The following HBEGF variants were observed in gnomAD, a reference collection of about 807,000 sequenced individuals.
HBEGF encodes proheparin-binding EGF-like growth factor.
Under a neutral mutation model 19.5 loss-of-function variants are expected in HBEGF, and 8 were observed. The ratio of observed to expected loss-of-function variants is 0.41; its 90% CI spans 0.24 to 0.74. The LOEUF (loss-of-function observed/expected upper bound fraction) is 0.74. Ranked by LOEUF, HBEGF falls within the 30% of genes least tolerant of loss-of-function variation. The pLI, the probability that HBEGF is intolerant of heterozygous loss-of-function variation, is 0.32. For synonymous variants in HBEGF, 97 were observed against 108.9 expected, an observed-to-expected ratio of 0.89 and a Z score of 0.68; for missense variants, 207 against 256.9, an observed-to-expected ratio of 0.81 and a Z score of 1.33.
At chr5:140,340,726 C>T (rs1766298478) in intron 3 of HBEGF, among the ~76,000 whole-genome samples, 1 of 151,944 alleles carries the variant, frequency 6.6e-6, no homozygotes, top group African/African-American at 2.4e-5. Context: ...TCTAGGACAA[C>T]AGCTGCCCTC....
At chr5:140,336,159 T>C (rs1368950368) in intron 3 of HBEGF, 132 bp from the exon 4 acceptor site, 1 of 828,444 alleles carries the variant, frequency 1.2e-6, no homozygotes, top group African/African-American at 1.7e-5. Context: ...TCCCTGCCCA[T>C]CCTCCATCCT....
At chr5:140,334,629 A>G in intron 5 of HBEGF, 29 bp downstream of exon 5, 1 of 1,441,776 alleles carries the variant, frequency 6.9e-7, no homozygotes. Context: ...AAGGATAATC[A>G]TGTCATGGGG....
At chr5:140,345,524 A>G (rs1766382628) in intron 2 of HBEGF, among the ~76,000 whole-genome samples, 1 of 152,152 alleles carries the variant, frequency 6.6e-6, no homozygotes, top group African/African-American at 2.4e-5. Context: ...TGTTACCTCT[A>G]TTTTATATAT....
rs367977200 is a variant in HBEGF at position 140,346,053 on chromosome 5, C to A, written c.78G>T (p.Leu26=). The A allele has an allele frequency of 5.0e-6, 8 of 1,613,794 alleles. No homozygotes were observed. Among genetic ancestry groups the A allele is most frequent in the Non-Finnish European group, 6.8e-6 (8 of 1,179,892 alleles). Residue 26 remains leucine, a synonymous_variant, in exon 2 of 6, where the codon CTG becomes CTT. Transcript: ENST00000230990. The surrounding 1 kb of genome is among the most constrained non-coding windows in gnomAD (Gnocchi z 6.1). The part of the protein sequence containing the change: ...VLSALVTGES[L]ERLRRGLAAG... ...CAGCTAGCCCTCTCCGAAGCCGCTC[C>A]AGGCTCTCGCCAGTCACCAGTGCCG...
chr5:140,338,876 T>C (rs369697960), intron 3 of HBEGF, among the ~76,000 whole-genome samples: 86 of 152,268 alleles, frequency 5.6e-4, no homozygotes, highest in South Asian at 2.9e-3. Context: ...TTTCTCCACC[T>C]TTACCCCAGG....
intron 2 of HBEGF, among the ~76,000 whole-genome samples, chr5:140,343,297 T>C (rs2126719258): frequency 6.6e-6 from 1 of 152,210 alleles, no homozygotes; most frequent in East Asian, 1.9e-4. Context: ...GGTTCTGGGG[T>C]TGGAGGGCTC....
intron 2 of HBEGF, among the ~76,000 whole-genome samples, chr5:140,343,999 G>A (rs4150207): frequency 0.014 from 2,120 of 152,254 alleles, 57 homozygotes; most frequent in African/African-American, 0.049. Flanking sequence ...TTAGCCGGGC[G>A]TGGTGGTGTG....
intron 2 of HBEGF, 63 bp from the exon 3 acceptor site, chr5:140,342,875 T>C: frequency 5.9e-6 from 9 of 1,536,076 alleles, no homozygotes; most frequent in African/African-American, 1.4e-5. Flanking sequence ...AAGAGCATAG[T>C]GCTTGAAAGG....
Position 140,346,278 on chromosome 5 carries a change from C to T in HBEGF, c.46+5G>A. On this transcript the variant is annotated splice_donor_5th_base_variant and intron_variant, in intron 1 of 5. Coordinates refer to ENST00000230990, the MANE Select transcript of HBEGF (RefSeq NM_001945.3). The surrounding 1 kb of genome is among the most constrained non-coding windows in gnomAD (Gnocchi z 6.1). ...GATCTCCGGGGGCGTCGGCAGCCCT[C>T]TTACCTGCAGCCAGAAAGAGCTTCA... The T allele has an allele frequency of 6.2e-7, 1 of 1,605,292 alleles. No homozygotes were observed.
At chr5:140,336,408 G>C (rs989628893) in intron 3 of HBEGF, among the ~76,000 whole-genome samples, 1 of 152,216 alleles carries the variant, frequency 6.6e-6, no homozygotes, top group Non-Finnish European at 1.5e-5. Context: ...TTGGGCACAA[G>C]AGCTGGTAGG....
intron 4 of HBEGF, among the ~76,000 whole-genome samples, chr5:140,335,383 C>CAAA (rs752308223): frequency 1.1e-5 from 1 of 91,156 alleles, no homozygotes; most frequent in Non-Finnish European, 2.3e-5. Context: ...GACTCTGTCT[C>CAAA]AAAAAAAAAA....
Position 140,342,626 on chromosome 5 carries a change from G to C in HBEGF, c.398+9C>G. 1.2e-6 allele frequency: 2 copies of C among 1,613,512 alleles called. No individual in the cohort carries two copies. The highest frequency in any genetic ancestry group is 1.7e-6 in the Non-Finnish European group (2 of 1,179,630). On this transcript the variant is annotated intron_variant, in intron 3 of 5. Coordinates refer to ENST00000230990, the MANE Select transcript of HBEGF (RefSeq NM_001945.3). ...TGATGAGATTCAGCCCTGGGGAAGGGGCACTTACATGCAGGAGGGAGCCCG... is the reference window on the plus strand; with the variant it reads ...TGATGAGATTCAGCCCTGGGGAAGGCGCACTTACATGCAGGAGGGAGCCCG...
intron 2 of HBEGF, among the ~76,000 whole-genome samples, chr5:140,344,001 G>A (rs1413133960): frequency 1.3e-5 from 2 of 152,192 alleles, no homozygotes; most frequent in African/African-American, 4.8e-5. Context: ...AGCCGGGCGT[G>A]GTGGTGTGTG....
intron 3 of HBEGF, among the ~76,000 whole-genome samples, chr5:140,337,440 C>G (rs745319010): frequency 6.6e-6 from 1 of 152,244 alleles, no homozygotes; most frequent in South Asian, 2.1e-4. Context: ...GGACTTTAGA[C>G]CACCAGCTGC....
At chr5:140,338,628 T>G (rs1766263096) in intron 3 of HBEGF, among the ~76,000 whole-genome samples, 1 of 152,166 alleles carries the variant, frequency 6.6e-6, no homozygotes, top group Non-Finnish European at 1.5e-5. Context: ...GTAAACATCC[T>G]AATATTACCT....
intron 3 of HBEGF, among the ~76,000 whole-genome samples, chr5:140,339,299 TC>T (rs534582413): frequency 1.2e-4 from 19 of 152,256 alleles, no homozygotes; most frequent in Admixed American, 1.2e-3. Context: ...AGCCCAAGTG[TC>T]CCCAGTTTTC....
chr5:140,336,160 C>G, intron 3 of HBEGF, 133 bp from the exon 4 acceptor site: 1 of 831,606 alleles, frequency 1.2e-6, no homozygotes, highest in Non-Finnish European at 1.9e-6. Context: ...CCCTGCCCAT[C>G]CTCCATCCTT....
In HBEGF at chr5:140,346,320, C is replaced by G; in HGVS notation, c.9G>C (p.Leu3=). Residue 3 remains leucine (L), a synonymous_variant, in exon 1 of 6, where the codon CTG becomes CTC. Transcript: ENST00000230990. The surrounding 1 kb of genome is among the most constrained non-coding windows in gnomAD (Gnocchi z 6.1). The part of the protein sequence containing the change: MK[L]LPSVVLKLFL... ...AGAGCTTCAGCACCACCGACGGCAGCAGCTTCATGGTCCCGCACCGAGAGG... is the reference window on the plus strand; with the variant it reads ...AGAGCTTCAGCACCACCGACGGCAGGAGCTTCATGGTCCCGCACCGAGAGG... 6.2e-7 allele frequency: 1 copy of G among 1,608,944 alleles called. No homozygotes were observed. The highest frequency in any genetic ancestry group is 1.1e-5 in the South Asian group (1 of 90,260).
intron 4 of HBEGF, chr5:140,334,999 T>C (rs1263535314): frequency 7.2e-6 from 4 of 558,180 alleles, no homozygotes; most frequent in East Asian, 3.0e-5. Flanking sequence ...ATGAGGTAGA[T>C]GGACAAACAT....
Sources: gnomAD v4.1 joint callset for allele counts (sites outside exome capture counted in the v4.1 genomes callset) on GRCh38, gnomAD v4.1.1 for gene constraint, Gnocchi (gnomAD v3.1) non-coding constraint, MANE v1.5 for transcripts, NCBI Gene and HGNC (gene_info 2026-07-23, HGNC 2026-07-21) for gene names.